PDE10A: variants seen among roughly 807,000 people sequenced by gnomAD.
PDE10A encodes cAMP and cAMP-inhibited cGMP 3',5'-cyclic phosphodiesterase 10A.
In PDE10A, 39 loss-of-function variants were observed where a neutral mutation model predicts 97.7. The observed-to-expected ratio is 0.40, with a 90% CI of 0.31 to 0.52. The LOEUF (loss-of-function observed/expected upper bound fraction) is 0.52. Ranked by LOEUF, PDE10A falls within the 20% of genes least tolerant of loss-of-function variation. The pLI, the probability that PDE10A is intolerant of heterozygous loss-of-function variation, is 0.56. For synonymous variants in PDE10A, 371 were observed against 376.8 expected, an observed-to-expected ratio of 0.98 and a Z score of 0.18; for missense variants, 731 against 1,047.8, an observed-to-expected ratio of 0.70 and a Z score of 4.17.
chr6:165,774,933 AGG>A (rs1307626610), intron 1 of PDE10A: 4 of 149,360 alleles, frequency 2.7e-5, no homozygotes, highest in African/African-American at 9.9e-5. Flanking sequence ...TATGATATGG[AGG>A]AACAATGATT....
At chr6:165,916,881 C>T (rs1041658144) in intron 1 of PDE10A, among the ~76,000 whole-genome samples, 1 of 152,138 alleles carries the variant, frequency 6.6e-6, no homozygotes, top group Non-Finnish European at 1.5e-5. Context: ...TGGGCCACCT[C>T]CCACTCCACC....
At chr6:165,700,635 A>G (rs9459484) in intron 1 of PDE10A, among the ~76,000 whole-genome samples, 11,940 of 152,252 alleles carry the variant, frequency 0.078, 997 homozygotes, top group African/African-American at 0.21. Flanking sequence ...TTATCACCCA[A>G]TACATTGTGT....
rs141779899 is a variant in PDE10A at position 165,435,093 on chromosome 6, T to C, written c.1335+144A>G. 652 of 768,710 alleles carry C rather than the reference T, an allele frequency of 8.5e-4. 3 individuals carry two copies. The African/African-American group carries it at 0.01, about 12-fold the overall frequency. The allele number at this position is 768,710 out of a possible 1,614,324, so 47.6% of individuals were successfully genotyped here. A position where few individuals can be genotyped will look rare whatever the true frequency, so the allele number is the denominator to read the frequency against. ...ATTTTCTGAGTACAAAAAATTAACT[T>C]ACACATTAATATATTGATCTGTAAC... On this transcript the variant is annotated intron_variant, in intron 6 of 21. Coordinates refer to ENST00000539869, the MANE Select transcript of PDE10A (RefSeq NM_001385079.1).
intron 1 of PDE10A, among the ~76,000 whole-genome samples, chr6:165,579,491 C>T (rs140398480): frequency 6.6e-6 from 1 of 152,198 alleles, no homozygotes; most frequent in Non-Finnish European, 1.5e-5. Context: ...CACATCCATA[C>T]CATTAAGCAG....
At chr6:165,644,998 G>C (rs112835969) in intron 1 of PDE10A, among the ~76,000 whole-genome samples, 1,599 of 152,364 alleles carry the variant, frequency 0.01, 30 homozygotes, top group African/African-American at 0.036. Context: ...CACCCTAATT[G>C]TGTTAGTAGC....
At chr6:165,370,123 C>G (rs929371767) in intron 18 of PDE10A, among the ~76,000 whole-genome samples, 2 of 152,114 alleles carry the variant, frequency 1.3e-5, no homozygotes, top group African/African-American at 4.8e-5. Context: ...GCTGCAAAAT[C>G]ATGCCAAAAT....
At chr6:165,801,638 C>A (rs548720359) in intron 1 of PDE10A, among the ~76,000 whole-genome samples, 1 of 152,202 alleles carries the variant, frequency 6.6e-6, no homozygotes, top group Admixed American at 6.5e-5. Flanking sequence ...AGTCAAAGAT[C>A]CAAGCAACAC....
chr6:165,872,651 G>GTTT (rs58957289), intron 1 of PDE10A, among the ~76,000 whole-genome samples: 60 of 99,736 alleles, frequency 6.0e-4, no homozygotes, highest in Middle Eastern at 6.3e-3. Flanking sequence ...GGGGAGCTGT[G>GTTT]TTTTTTTTGT....
Position 165,343,441 on chromosome 6 carries a change from G to T in PDE10A, c.2845C>A (p.Pro949Thr), listed in dbSNP as rs932268879. 3.7e-6 allele frequency: 6 copies of T among 1,613,838 alleles called. No homozygotes were observed. In the Admixed American group the frequency reaches 1.0e-4, roughly 27 times the overall value. ...CDLCSVTKLW[P>T]VTKLTANDIY... ...TCATTTGCCGTCAATTTTGTAACGG[G>T]CCACAGTTTTGTCACAGAACAAAGG... The change falls in exon 19 of 22, where the codon CCC (proline) becomes ACC (threonine). Residue 949 changes from proline (P) to threonine (T), a missense_variant. By Grantham distance (38) the Pro-to-Thr change is conservative (BLOSUM62 -1). Transcript: ENST00000539869.
intron 1 of PDE10A, among the ~76,000 whole-genome samples, chr6:165,689,779 C>T (rs1436117654): frequency 1.3e-5 from 2 of 152,130 alleles, no homozygotes; most frequent in African/African-American, 4.8e-5. Flanking sequence ...GTATTCCTTT[C>T]GTAGCAACAC....
At chr6:165,857,779 C>A (rs1479387948) in intron 1 of PDE10A, among the ~76,000 whole-genome samples, 1 of 151,452 alleles carries the variant, frequency 6.6e-6, no homozygotes, top group African/African-American at 2.4e-5. Context: ...CAGATTAGGG[C>A]AATGCATCAT....
At chr6:165,482,471 T>C (rs978716295) in intron 2 of PDE10A, 128 bp from the exon 3 acceptor site, 3 of 726,296 alleles carry the variant, frequency 4.1e-6, no homozygotes, top group Non-Finnish European at 7.6e-6. Context: ...ACGAAATCTA[T>C]GAATTTGATT....
chr6:165,825,104 C>T (rs1424061511), intron 1 of PDE10A, among the ~76,000 whole-genome samples: 1 of 143,892 alleles, frequency 6.9e-6, no homozygotes, highest in African/African-American at 2.6e-5. Context: ...GCTGAGATCG[C>T]ACCACTGCAC....
chr6:165,751,363 A>G (rs931994202), intron 1 of PDE10A, among the ~76,000 whole-genome samples: 1 of 152,146 alleles, frequency 6.6e-6, no homozygotes, highest in South Asian at 2.1e-4. Context: ...AGGAGAGCGT[A>G]TCTGTGTGAT....
At chr6:165,758,492 G>T (rs1264306041) in intron 1 of PDE10A, among the ~76,000 whole-genome samples, 1 of 124,360 alleles carries the variant, frequency 8.0e-6, no homozygotes, top group Non-Finnish European at 1.9e-5. Context: ...AAAGGAGAAA[G>T]AAGAAAGAAG....
In PDE10A at chr6:165,627,975, A is replaced by C. The variant is rs148737691; in HGVS notation, c.865+33972T>G. ...GCAATTTATTCTTACTTTACACATA[A>C]TTGTGACACCTTGGGGCTTACCTGG... On this transcript the variant is annotated intron_variant, in intron 1 of 21. Transcript: ENST00000539869. 2.0e-5 allele frequency among the ~76,000 whole-genome samples: 3 copies of C among 152,322 alleles called. No individual in the cohort carries two copies. In the East Asian group the frequency reaches 5.8e-4, roughly 29 times the overall value.
chr6:165,590,342 C>G (rs1328380), intron 1 of PDE10A, among the ~76,000 whole-genome samples: 1 of 152,180 alleles, frequency 6.6e-6, no homozygotes, highest in Non-Finnish European at 1.5e-5. Context: ...GGCCACACAG[C>G]TAGTCTGTGG....
intron 3 of PDE10A, among the ~76,000 whole-genome samples, chr6:165,458,333 A>G (rs1214474811): frequency 6.6e-6 from 1 of 152,128 alleles, no homozygotes; most frequent in Non-Finnish European, 1.5e-5. Flanking sequence ...TGGGAGCTTC[A>G]GGGGAGTGAT....
intron 1 of PDE10A, among the ~76,000 whole-genome samples, chr6:165,571,449 A>T (rs1319694976): frequency 6.6e-6 from 1 of 152,224 alleles, no homozygotes; most frequent in African/African-American, 2.4e-5. Context: ...CCTATGCTTG[A>T]GAGTCAGTAT....
Sources: gnomAD v4.1 joint callset for allele counts (sites outside exome capture counted in the v4.1 genomes callset) on GRCh38, gnomAD v4.1.1 for gene constraint, MANE v1.5 for transcripts, NCBI Gene and HGNC (gene_info 2026-07-23, HGNC 2026-07-21) for gene names.